Variants in THSD7B observed in about 807,000 individuals in gnomAD.
The protein encoded by THSD7B is thrombospondin type-1 domain-containing protein 7B.
In THSD7B, 138 loss-of-function variants were observed where a neutral mutation model predicts 213.6. The ratio of observed to expected loss-of-function variants is 0.65; its 90% confidence interval spans 0.56 to 0.74. The LOEUF (loss-of-function observed/expected upper bound fraction) is 0.74, where lower values mean the gene tolerates loss of function less well. Ranked by LOEUF, THSD7B falls within the 30% of genes least tolerant of loss-of-function variation. THSD7B has a pLI of 0.00. For missense variants in THSD7B, 1,931 were observed against 1,991.5 expected (o/e 0.97, Z 0.58); for synonymous variants, 742 against 687.0 (o/e 1.08, Z -1.25).
At chr2:136,966,562 AC>A (rs1685318674) in intron 2 of THSD7B, among the ~76,000 whole-genome samples, 1 of 152,184 alleles carries the variant, frequency 6.6e-6, no homozygotes, top group Non-Finnish European at 1.5e-5. Flanking sequence ...TTTGAAAAAA[AC>A]ATTTTGAGCA....
intron 2 of THSD7B, among the ~76,000 whole-genome samples, chr2:136,928,706 CTAACAT>C (rs796454968): frequency 5.9e-5 from 9 of 152,052 alleles, no homozygotes; most frequent in African/African-American, 2.2e-4. Flanking sequence ...TTGAGGAAGT[CTAACAT>C]TAAAAGATTT....
chr2:137,065,144 A>G (rs964569002), intron 3 of THSD7B, among the ~76,000 whole-genome samples: 1 of 152,078 alleles, frequency 6.6e-6, no homozygotes, highest in African/African-American at 2.4e-5. Context: ...CTTCCAATCC[A>G]TGAACAAGGA....
At chr2:137,399,024 C>T (rs1194403038) in intron 12 of THSD7B, among the ~76,000 whole-genome samples, 4 of 152,082 alleles carry the variant, frequency 2.6e-5, no homozygotes, top group Non-Finnish European at 5.9e-5. Flanking sequence ...TGCTTCGGCT[C>T]GCGCACGGTG....
intron 2 of THSD7B, among the ~76,000 whole-genome samples, chr2:136,974,829 G>A (rs543390905): frequency 2.6e-5 from 4 of 152,172 alleles, no homozygotes; most frequent in East Asian, 1.9e-4. Flanking sequence ...GTGTAAAAGC[G>A]TTCCTGTCTC....
At chr2:137,034,579 T>G (rs1320927286) in intron 2 of THSD7B, among the ~76,000 whole-genome samples, 1 of 151,958 alleles carries the variant, frequency 6.6e-6, no homozygotes, top group Non-Finnish European at 1.5e-5. Context: ...TGCTCTCCCT[T>G]CCCTTGCCCC....
chr2:137,116,597 T>C (rs1328559597), intron 5 of THSD7B, among the ~76,000 whole-genome samples: 1 of 152,248 alleles, frequency 6.6e-6, no homozygotes, highest in East Asian at 1.9e-4. Context: ...CTTCAACTTT[T>C]AATCTGCTAT....
At position 136,998,088 on chromosome 2, in the gene THSD7B, C is replaced by T. The variant is rs545246954; in HGVS notation, c.140-58332C>T. Among the ~76,000 whole-genome samples, 6 of 151,962 alleles carry T rather than the reference C, an allele frequency of 3.9e-5. No individual in the cohort carries two copies. The South Asian group carries it at 6.3e-4, about 16-fold the overall frequency. On this transcript the variant is annotated intron_variant, in intron 2 of 27. Transcript: ENST00000409968. The stretch of plus-strand genomic sequence containing the variant: ...CTGGAGACACTGACCACAGACCCAC[C>T]GAAAAATCTGAAACCTCACTCAATG...
chr2:137,631,025 G>A (rs17693208), intron 20 of THSD7B, among the ~76,000 whole-genome samples: 3,367 of 152,254 alleles, frequency 0.022, 74 homozygotes, highest in Non-Finnish European at 0.03. Flanking sequence ...GAACTACAAC[G>A]ATCTGAGGGG....
chr2:137,030,996 A>G (rs1429979628), intron 2 of THSD7B, among the ~76,000 whole-genome samples: 1 of 152,232 alleles, frequency 6.6e-6, no homozygotes, highest in Non-Finnish European at 1.5e-5. Flanking sequence ...TTGTTATTGT[A>G]TTAATAATTC....
At chr2:136,773,756 G>A (rs1681551693) in intron 1 of THSD7B, among the ~76,000 whole-genome samples, 1 of 151,966 alleles carries the variant, frequency 6.6e-6, no homozygotes. Context: ...ACAGAAGAGG[G>A]TTTCCTTTTA....
chr2:136,982,311 A>AG (rs1234805993), intron 2 of THSD7B, among the ~76,000 whole-genome samples: 1 of 138 alleles, frequency 7.2e-3, no homozygotes, highest in Non-Finnish European at 0.056. Context: ...CTATGTGAGC[A>AG]AATTGTACTT....
intron 12 of THSD7B, among the ~76,000 whole-genome samples, chr2:137,278,201 A>G (rs977167250): frequency 3.3e-5 from 5 of 152,098 alleles, no homozygotes; most frequent in Admixed American, 2.6e-4. Flanking sequence ...AATACTCATT[A>G]AGGAGCCAAA....
chr2:137,540,833 G>A (rs966503535), intron 15 of THSD7B, among the ~76,000 whole-genome samples: 11 of 151,838 alleles, frequency 7.2e-5, no homozygotes, highest in African/African-American at 2.7e-4. Context: ...AGAATGAGAT[G>A]TTCACAGGGG....
At chr2:137,285,908 A>T (rs1193913973) in intron 12 of THSD7B, among the ~76,000 whole-genome samples, 3 of 151,998 alleles carry the variant, frequency 2.0e-5, no homozygotes, top group African/African-American at 7.2e-5. Flanking sequence ...GTTCGAGACC[A>T]GCCTGACCAA....
At chr2:137,448,532 G>A (rs1239327869) in intron 14 of THSD7B, among the ~76,000 whole-genome samples, 4 of 151,640 alleles carry the variant, frequency 2.6e-5, no homozygotes, top group African/African-American at 9.7e-5. Flanking sequence ...TTTCCTGGCT[G>A]GCCGCAGTGG....
chr2:137,573,977 T>C (rs551057221), intron 17 of THSD7B, among the ~76,000 whole-genome samples: 1 of 152,252 alleles, frequency 6.6e-6, no homozygotes, highest in African/African-American at 2.4e-5. Flanking sequence ...TGTGTGATTA[T>C]TCCATGAGTG....
intron 27 of THSD7B, among the ~76,000 whole-genome samples, chr2:137,670,273 A>G (rs1683534248): frequency 6.6e-6 from 1 of 151,882 alleles, no homozygotes; most frequent in East Asian, 1.9e-4. Context: ...GCCCTTTCCT[A>G]CTCATAGATG....
At chr2:137,512,291 C>A (rs1679977411) in intron 15 of THSD7B, 1 of 145,446 alleles carries the variant, frequency 6.9e-6, no homozygotes, top group Admixed American at 6.9e-5. Context: ...CAATTTTTTT[C>A]ATTTTATTTT....
At chr2:137,556,014 C>G (rs1196639063) in intron 15 of THSD7B, among the ~76,000 whole-genome samples, 1 of 152,102 alleles carries the variant, frequency 6.6e-6, no homozygotes, top group Non-Finnish European at 1.5e-5. Flanking sequence ...AAGAAACGAA[C>G]AAAGCCTCCA....
Sources: gnomAD v4.1 joint callset for allele counts (sites outside exome capture counted in the v4.1 genomes callset) on GRCh38, gnomAD v4.1.1 for gene constraint, MANE v1.5 for transcripts, NCBI Gene and HGNC (gene_info 2026-07-23, HGNC 2026-07-21) for gene names.